MCCC1: variants seen among roughly 807,000 people sequenced by gnomAD.
The protein encoded by MCCC1 is methylcrotonyl-CoA carboxylase subunit 1.
Under a neutral mutation model 83.8 loss-of-function variants are expected in MCCC1, and 64 were observed. The ratio of observed to expected loss-of-function variants is 0.76; its 90% CI spans 0.62 to 0.94. The LOEUF is 0.94. Among genes scored for constraint, MCCC1 ranks in the 40% least tolerant of loss-of-function variants. The pLI is 0.00. For missense variants in MCCC1, 807 were observed against 904.7 expected (o/e 0.89, Z 1.39); for synonymous variants, 322 against 315.4 (o/e 1.02, Z -0.22).
intron 16 of MCCC1, among the ~76,000 whole-genome samples, chr3:183,020,748 T>C (rs775829225): frequency 6.6e-5 from 10 of 152,070 alleles, no homozygotes; most frequent in Non-Finnish European, 1.5e-4. Context: ...CGTAACGGTA[T>C]ACATGCCTCA....
rs147371055 is a variant in MCCC1 at position 183,034,278 on chromosome 3, G to A, written c.1595-201C>T. 1.5e-3 allele frequency among the ~76,000 whole-genome samples: 224 copies of A among 151,978 alleles called. 2 individuals are homozygous for A. In the East Asian group the frequency reaches 0.027, roughly 18 times the overall value. On this transcript the variant is annotated intron_variant, in intron 13 of 18. Coordinates refer to ENST00000265594, the MANE Select transcript of MCCC1 (RefSeq NM_020166.5). ...ATCCTAGCTAACACGGTGAAACCCC[G>A]TCTCTACTAAAAATACAAAAAAATT...
At chr3:183,111,180 A>G (rs1224848478) in intron 1 of MCCC1, among the ~76,000 whole-genome samples, 2 of 152,220 alleles carry the variant, frequency 1.3e-5, no homozygotes, top group East Asian at 3.8e-4. Context: ...TAAGTCGAGT[A>G]CAAGTCTGGA....
intron 9 of MCCC1, among the ~76,000 whole-genome samples, chr3:183,047,799 G>GA (rs34254014): frequency 0.022 from 3,322 of 151,602 alleles, 120 homozygotes; most frequent in African/African-American, 0.077. Flanking sequence ...AAAACAGTGA[G>GA]AAAAAAAACC....
chr3:183,022,791 T>C (rs1292276664), intron 15 of MCCC1: 3 of 441,048 alleles, frequency 6.8e-6, no homozygotes, highest in Non-Finnish European at 8.0e-6. Flanking sequence ...AACTTATCCA[T>C]AGCACCATAA....
At chr3:183,102,898 T>C (rs534932344), upstream of MCCC1, among the ~76,000 whole-genome samples, 45 of 148,864 alleles carry the variant, frequency 3.0e-4, no homozygotes, top group African/African-American at 1.0e-3. Flanking sequence ...ATGATTCTCA[T>C]GGCTCAGCCT....
At chr3:183,068,515 G>T (rs920263093) in intron 7 of MCCC1, among the ~76,000 whole-genome samples, 11 of 152,114 alleles carry the variant, frequency 7.2e-5, no homozygotes, top group Admixed American at 1.3e-4. Context: ...CATAAAAATG[G>T]CAACCAGCAG....
intron 14 of MCCC1, among the ~76,000 whole-genome samples, chr3:183,029,898 G>A (rs189012980): frequency 1.3e-5 from 2 of 151,988 alleles, no homozygotes; most frequent in Admixed American, 6.6e-5. Context: ...CTGATGTTCC[G>A]ACCCCATTCC....
intron 14 of MCCC1, among the ~76,000 whole-genome samples, chr3:183,030,238 G>A (rs971916522): frequency 6.6e-6 from 1 of 152,020 alleles, no homozygotes; most frequent in African/African-American, 2.4e-5. Flanking sequence ...AACCCGGGAG[G>A]CAGAAGTTGC....
chr3:183,102,386 C>T (rs1719326385), upstream of MCCC1, among the ~76,000 whole-genome samples: 1 of 151,990 alleles, frequency 6.6e-6, no homozygotes, highest in South Asian at 2.1e-4. Context: ...AAAAAAATAA[C>T]TGAAGTATCC....
chr3:183,052,143 G>A lies in MCCC1; in HGVS notation c.955+16C>T. On this transcript the variant is annotated intron_variant, in intron 9 of 18. Transcript: ENST00000265594. The stretch of plus-strand genomic sequence containing the variant: ...CACTGTTACGTCTCTTCCATTAGAA[G>A]CAAATCTTAACCTACCTGCTCCAAC... 1 of 1,612,282 alleles carries A rather than the reference G, an allele frequency of 6.2e-7. No homozygotes were observed. The highest frequency in any genetic ancestry group is 8.5e-7 in the Non-Finnish European group (1 of 1,178,378).
upstream of MCCC1, among the ~76,000 whole-genome samples, chr3:183,102,148 A>C (rs1316657089): frequency 6.6e-6 from 1 of 152,074 alleles, no homozygotes; most frequent in African/African-American, 2.4e-5. Flanking sequence ...CAAACTGCTT[A>C]AGCCTAGGAG....
intron 7 of MCCC1, among the ~76,000 whole-genome samples, chr3:183,059,590 C>T (rs2108508748): frequency 6.6e-6 from 1 of 152,200 alleles, no homozygotes; most frequent in Non-Finnish European, 1.5e-5. Context: ...CTACCTATTC[C>T]TTCTCTAATT....
intron 9 of MCCC1, 108 bp from the exon 10 acceptor site, chr3:183,045,648 T>C: frequency 8.7e-7 from 1 of 1,149,098 alleles, no homozygotes; most frequent in Non-Finnish European, 1.3e-6. Flanking sequence ...CATTCAATGG[T>C]AACACTTTGC....
chr3:183,080,350 ATC>A (rs1380063679), intron 4 of MCCC1, among the ~76,000 whole-genome samples: 1 of 152,160 alleles, frequency 6.6e-6, no homozygotes, highest in African/African-American at 2.4e-5. Context: ...ACCCTAAATC[ATC>A]TCTCTCAAGT....
chr3:183,114,354 A>C (rs1014396388), intron 1 of MCCC1, among the ~76,000 whole-genome samples: 2 of 151,616 alleles, frequency 1.3e-5, no homozygotes, highest in African/African-American at 4.8e-5. Flanking sequence ...TCTTGGGGCC[A>C]AATTTTGAGC....
chr3:183,092,347 CGAAAATACT>C, intron 3 of MCCC1, 53 bp downstream of exon 3: 1 of 1,608,420 alleles, frequency 6.2e-7, no homozygotes, highest in Non-Finnish European at 8.5e-7. Context: ...TCATAAAGAA[CGAAAATACT>C]GACACAGTAA....
At chr3:183,032,795 A>T (rs1713189982) in intron 14 of MCCC1, among the ~76,000 whole-genome samples, 1 of 151,650 alleles carries the variant, frequency 6.6e-6, no homozygotes, top group Non-Finnish European at 1.5e-5. Context: ...AATGGCACGA[A>T]CCCAGGAGGT....
At chr3:183,107,408 CAA>C (rs1274909684) in intron 1 of MCCC1, among the ~76,000 whole-genome samples, 7 of 89,610 alleles carry the variant, frequency 7.8e-5, no homozygotes, top group Non-Finnish European at 4.7e-5. Context: ...AACTCCATCT[CAA>C]AAAAAAAAAA....
chr3:183,093,155 A>C (rs1718492044), intron 2 of MCCC1, among the ~76,000 whole-genome samples: 1 of 152,134 alleles, frequency 6.6e-6, no homozygotes, highest in Non-Finnish European at 1.5e-5. Flanking sequence ...TGGCCTCCCG[A>C]AGTGCTGGGA....
Sources: gnomAD v4.1 joint callset for allele counts (sites outside exome capture counted in the v4.1 genomes callset) on GRCh38, gnomAD v4.1.1 for gene constraint, MANE v1.5 for transcripts, NCBI Gene and HGNC (gene_info 2026-07-23, HGNC 2026-07-21) for gene names.